ADAM19: variants seen among roughly 807,000 people sequenced by gnomAD.
ADAM19 encodes the protein disintegrin and metalloproteinase domain-containing protein 19.
In ADAM19, 65 loss-of-function variants were observed where a neutral mutation model predicts 114.7. The observed-to-expected ratio is 0.57, with a 90% CI of 0.46 to 0.70. The LOEUF (loss-of-function observed/expected upper bound fraction) is 0.70. Among genes scored for constraint, ADAM19 ranks in the 30% least tolerant of loss-of-function variants. ADAM19 has a pLI of 0.00. For synonymous variants in ADAM19, 466 were observed against 460.5 expected, an observed-to-expected ratio of 1.01 and a Z score of -0.15; for missense variants, 1,063 against 1,204.7, an observed-to-expected ratio of 0.88 and a Z score of 1.74.
intron 4 of ADAM19, among the ~76,000 whole-genome samples, chr5:157,536,556 A>G (rs999535035): frequency 6.6e-6 from 1 of 152,148 alleles, no homozygotes; most frequent in Admixed American, 6.5e-5. Flanking sequence ...TGAACCCAAG[A>G]GGCGGAGGTT....
chr5:157,538,802 A>C (rs184482327), intron 3 of ADAM19, among the ~76,000 whole-genome samples: 1 of 152,350 alleles, frequency 6.6e-6, no homozygotes, highest in Non-Finnish European at 1.5e-5. Flanking sequence ...TAAAAGAAAA[A>C]TATAAGAGTC....
At chr5:157,491,508 A>G in intron 18 of ADAM19, 107 bp downstream of exon 18, 1 of 786,830 alleles carries the variant, frequency 1.3e-6, no homozygotes, top group Non-Finnish European at 2.0e-6. Flanking sequence ...CTACAAAATC[A>G]GGACAATGAA....
chr5:157,494,610 G>C, intron 15 of ADAM19, 77 bp downstream of exon 15: 1 of 1,231,348 alleles, frequency 8.1e-7, no homozygotes. Flanking sequence ...TCACACTGCT[G>C]AGTTGGGCAA....
chr5:157,505,688 T>C lies in ADAM19; in HGVS notation c.1111A>G (p.Ile371Val). 6.2e-7 allele frequency: 1 copy of C among 1,614,092 alleles called. No individual in the cohort carries two copies. The highest frequency in any genetic ancestry group is 8.5e-7 in the Non-Finnish European group (1 of 1,180,012). The change falls in exon 11 of 23, where the codon ATC (isoleucine) becomes GTC (valine). Residue 371 changes from isoleucine to valine, a missense_variant. Physicochemically the swap from Ile to Val is conservative, Grantham distance 29 (BLOSUM62 3). Around this residue, in one of 3 missense-constraint regions of ADAM19, gnomAD observed 615 missense variants for 706.3 expected, o/e 0.87. Transcript: ENST00000257527. ...ACTCACCCAGTGGCAGCTGCCATGA[T>C]GCACCCACCATCAGCCGCACTGGCC... ...CSASAADGGCIMAAATGHPFP... is the reference protein window; with the variant it reads ...CSASAADGGCVMAAATGHPFP...
chr5:157,574,070 T>G (rs1757902842), intron 1 of ADAM19, among the ~76,000 whole-genome samples: 1 of 152,162 alleles, frequency 6.6e-6, no homozygotes, highest in Admixed American at 6.5e-5. Context: ...ACGCTCATGG[T>G]GTGAAGTGAA....
At chr5:157,503,801 A>G (rs114439657) in intron 11 of ADAM19, among the ~76,000 whole-genome samples, 1 of 152,374 alleles carries the variant, frequency 6.6e-6, no homozygotes, top group Non-Finnish European at 1.5e-5. Flanking sequence ...ATTTTGGGCC[A>G]GTGATCTCAT....
chr5:157,520,252 C>T (rs1413147955), intron 5 of ADAM19, among the ~76,000 whole-genome samples: 6 of 152,104 alleles, frequency 3.9e-5, no homozygotes, highest in Non-Finnish European at 7.4e-5. Flanking sequence ...TGCATGAGCT[C>T]AGGGCACTTG....
chr5:157,537,749 A>T (rs1756804105), intron 4 of ADAM19, among the ~76,000 whole-genome samples, 164 bp downstream of exon 4: 1 of 152,242 alleles, frequency 6.6e-6, no homozygotes. Flanking sequence ...AGCACCTATG[A>T]ACATCAAATA....
chr5:157,507,753 C>A (rs967949724), intron 9 of ADAM19, among the ~76,000 whole-genome samples: 1 of 152,166 alleles, frequency 6.6e-6, no homozygotes, highest in African/African-American at 2.4e-5. Flanking sequence ...GCAATGGGAT[C>A]CTAATCTGCC....
Position 157,478,679 on chromosome 5 carries a change from C to CGAAA in ADAM19, c.*2266_*2269dup. 1 of 985,776 alleles carries CGAAA rather than the reference C, an allele frequency of 1.0e-6. No individual in the cohort carries two copies. The allele number at this position is 985,776 out of a possible 1,614,324, so 61.1% of individuals were successfully genotyped here. A position where few individuals can be genotyped will look rare whatever the true frequency, so the allele number is the denominator to read the frequency against. On this transcript the variant is annotated 3_prime_UTR_variant, in exon 23 of 23. Coordinates refer to ENST00000257527, the MANE Select transcript of ADAM19 (RefSeq NM_033274.5). ...GTGAAGCATTAGTAGAACTGGTTGC[C>CGAAA]GAAAGTCTATCAAATTCCAAAACAT...
chr5:157,506,125 A>T (rs1379441184), intron 10 of ADAM19, among the ~76,000 whole-genome samples: 8 of 152,218 alleles, frequency 5.3e-5, no homozygotes, highest in Admixed American at 5.2e-4. Flanking sequence ...TCTTCTGAAC[A>T]TATATATTTC....
intron 5 of ADAM19, among the ~76,000 whole-genome samples, chr5:157,528,317 C>A (rs530584878): frequency 6.6e-6 from 1 of 152,202 alleles, no homozygotes; most frequent in Admixed American, 6.5e-5. Context: ...ACCCGGTATC[C>A]CCCTCCCTTT....
chr5:157,507,652 A>G (rs1755788939), intron 9 of ADAM19, among the ~76,000 whole-genome samples: 3 of 152,172 alleles, frequency 2.0e-5, no homozygotes, highest in African/African-American at 7.2e-5. Flanking sequence ...TCATTCCCAC[A>G]TACTCAGGGG....
At chr5:157,496,176 A>C (rs1332284131) in intron 14 of ADAM19, among the ~76,000 whole-genome samples, 1 of 151,754 alleles carries the variant, frequency 6.6e-6, no homozygotes, top group Admixed American at 6.6e-5. Flanking sequence ...GCTGTTCTAC[A>C]CCTTGCATTT....
chr5:157,481,698 A>C (rs370719559), intron 22 of ADAM19, 93 bp downstream of exon 22: 44 of 1,551,634 alleles, frequency 2.8e-5, no homozygotes, highest in Non-Finnish European at 3.8e-5. Flanking sequence ...AGACCACAAG[A>C]AGCATGAATT....
chr5:157,492,895 G>A (rs1403653755), intron 16 of ADAM19, 78 bp downstream of exon 16: 16 of 1,508,640 alleles, frequency 1.1e-5, no homozygotes, highest in Non-Finnish European at 1.4e-5. Context: ...CTGAGCCCAG[G>A]CATCCTTCCC....
At position 157,479,996 on chromosome 5, in the gene ADAM19, C is replaced by G; in HGVS notation, c.*953G>C. On this transcript the variant is annotated 3_prime_UTR_variant, in exon 23 of 23. Transcript: ENST00000257527. ...ATGCCCCAAGTCTACTCTGGTCACA[C>G]TCCTGAGAGCCAGTGAGGGAAATCC... 1.0e-6 allele frequency: 1 copy of G among 985,938 alleles called. No individual in the cohort carries two copies. The highest frequency in any genetic ancestry group is 1.2e-6 in the Non-Finnish European group (1 of 829,960). 61.1% of individuals were successfully genotyped at this position (985,938 alleles called of 1,614,324 possible). A position where few individuals can be genotyped will look rare whatever the true frequency, so the allele number is the denominator to read the frequency against.
intron 12 of ADAM19, 86 bp downstream of exon 12, chr5:157,502,717 A>T (rs1755608987): frequency 3.4e-6 from 5 of 1,480,050 alleles, no homozygotes; most frequent in Admixed American, 1.8e-5. Flanking sequence ...GTGACTAAGA[A>T]ATTTTCAATT....
intron 5 of ADAM19, among the ~76,000 whole-genome samples, chr5:157,529,120 C>T (rs73297207): frequency 0.018 from 2,766 of 152,252 alleles, 77 homozygotes; most frequent in African/African-American, 0.064. Context: ...TTGGCAGATG[C>T]TACAAATCAG....
Sources: gnomAD v4.1 joint callset for allele counts (sites outside exome capture counted in the v4.1 genomes callset) on GRCh38, gnomAD v4.1.1 for gene constraint, gnomAD v4.1.1 regional missense constraint, MANE v1.5 for transcripts, NCBI Gene and HGNC (gene_info 2026-07-23, HGNC 2026-07-21) for gene names.